EEPD1: variants seen among roughly 807,000 people sequenced by gnomAD.
The protein encoded by EEPD1 is endonuclease/exonuclease/phosphatase family domain-containing protein 1.
EEPD1 carries 17 observed loss-of-function variants against 46.3 expected under a neutral mutation model. That is an observed-to-expected ratio of 0.37 (90% CI 0.25 to 0.55). EEPD1 has a LOEUF of 0.55. Ranked by LOEUF, EEPD1 falls within the 20% of genes least tolerant of loss-of-function variation. The probability of loss-of-function intolerance (pLI) is 0.83; values close to 1 mark genes in which losing one functional copy is unlikely to be tolerated. For missense variants in EEPD1, 673 were observed against 745.6 expected, an observed-to-expected ratio of 0.90 and a Z score of 1.13; for synonymous variants, 313 against 315.6, an observed-to-expected ratio of 0.99 and a Z score of 0.09.
chr7:36,186,882 G>T (rs183585266), intron 2 of EEPD1, among the ~76,000 whole-genome samples: 2 of 152,322 alleles, frequency 1.3e-5, no homozygotes, highest in East Asian at 3.9e-4. Context: ...ATGTGTTTCT[G>T]TAACACAGGT....
intron 2 of EEPD1, among the ~76,000 whole-genome samples, chr7:36,200,052 G>A (rs1204206478): frequency 6.6e-6 from 1 of 151,832 alleles, no homozygotes; most frequent in Non-Finnish European, 1.5e-5. Flanking sequence ...GGGGTTTGTT[G>A]TACAGATTAT....
At chr7:36,279,752 C>A (rs1256130998) in intron 3 of EEPD1, among the ~76,000 whole-genome samples, 1 of 152,238 alleles carries the variant, frequency 6.6e-6, no homozygotes, top group Non-Finnish European at 1.5e-5. Context: ...GGGCCCACTT[C>A]AGAGCTGCTG....
intron 2 of EEPD1, among the ~76,000 whole-genome samples, chr7:36,165,256 T>C (rs998135652): frequency 3.2e-4 from 48 of 152,160 alleles, no homozygotes; most frequent in Non-Finnish European, 7.3e-5. Context: ...ACTTCTTCTA[T>C]GTTTAAATAC....
At chr7:36,260,520 A>G (rs1786903807) in intron 3 of EEPD1, among the ~76,000 whole-genome samples, 1 of 152,232 alleles carries the variant, frequency 6.6e-6, no homozygotes, top group Non-Finnish European at 1.5e-5. Flanking sequence ...TCTGAAGAGC[A>G]ACTCATACTT....
chr7:36,160,072 T>G (rs1227214371), intron 2 of EEPD1, among the ~76,000 whole-genome samples: 2 of 152,236 alleles, frequency 1.3e-5, no homozygotes, highest in African/African-American at 2.4e-5. Context: ...TGGGTCTGAT[T>G]CCAAGGTTCT....
intron 2 of EEPD1, among the ~76,000 whole-genome samples, chr7:36,235,225 C>T (rs1436976772): frequency 6.6e-6 from 1 of 152,190 alleles, no homozygotes; most frequent in East Asian, 1.9e-4. Flanking sequence ...GCCTCCAGCC[C>T]AGGCCTCCCC....
At chr7:36,289,491 T>C (rs533377751) in intron 6 of EEPD1, among the ~76,000 whole-genome samples, 19 of 152,226 alleles carry the variant, frequency 1.2e-4, no homozygotes, top group Admixed American at 2.0e-4. Flanking sequence ...ATCCATGTTG[T>C]AGCATGTGTC....
Position 36,299,883 on chromosome 7 carries a change from G to A in EEPD1, c.*677G>A, listed in dbSNP as rs1787590507. ...GCTTCACTTCCCCTGCGCCTTTTAT[G>A]TCCCCACCTTGAGGCCTTGCAGAGG... is the stretch of plus-strand genomic sequence containing the variant. On this transcript the variant is annotated 3_prime_UTR_variant, in exon 8 of 8. Transcript: ENST00000242108. 1 of 150,312 alleles carries A rather than the reference G, an allele frequency of 6.7e-6. No individual in the cohort carries two copies. The highest frequency in any genetic ancestry group is 2.1e-4 in the South Asian group (1 of 4,756). The allele number at this position is 150,312 out of a possible 1,614,324, so 9.3% of individuals were successfully genotyped here.
At chr7:36,237,994 T>C (rs1228144685) in intron 2 of EEPD1, among the ~76,000 whole-genome samples, 1 of 152,154 alleles carries the variant, frequency 6.6e-6, no homozygotes, top group African/African-American at 2.4e-5. Context: ...GGTTTTTTTA[T>C]TATATGCTAA....
At chr7:36,176,658 G>A (rs542871584) in intron 2 of EEPD1, among the ~76,000 whole-genome samples, 16 of 152,248 alleles carry the variant, frequency 1.1e-4, no homozygotes, top group Admixed American at 9.8e-4. Context: ...GGAATAAAGT[G>A]TTCTTTTTGT....
At chr7:36,176,823 G>A (rs1473319231) in intron 2 of EEPD1, among the ~76,000 whole-genome samples, 3 of 152,130 alleles carry the variant, frequency 2.0e-5, no homozygotes. Flanking sequence ...AGAAGTGGGA[G>A]GGAAATAACA....
chr7:36,182,277 C>A (rs763783092), intron 2 of EEPD1, among the ~76,000 whole-genome samples: 3 of 152,142 alleles, frequency 2.0e-5, no homozygotes, highest in African/African-American at 4.8e-5. Context: ...ATCTTCTTTG[C>A]ATTTTTGTGT....
chr7:36,231,633 C>G (rs951745039), intron 2 of EEPD1, among the ~76,000 whole-genome samples: 2 of 152,198 alleles, frequency 1.3e-5, no homozygotes, highest in Non-Finnish European at 1.5e-5. Context: ...AGGGCAGGAA[C>G]TGTGTGTTCA....
intron 3 of EEPD1, among the ~76,000 whole-genome samples, chr7:36,259,574 A>G (rs1384394246): frequency 1.3e-5 from 2 of 152,110 alleles, no homozygotes; most frequent in African/African-American, 2.4e-5. Context: ...CAGTGGCCCA[A>G]TCTCAGCTCA....
chr7:36,280,325 G>T (rs1245156057), intron 3 of EEPD1, among the ~76,000 whole-genome samples: 1 of 152,180 alleles, frequency 6.6e-6, no homozygotes, highest in African/African-American at 2.4e-5. Context: ...GATGTGCTTG[G>T]AAGCCAAGAG....
At chr7:36,271,798 CCTATTCTATT>C (rs60205065) in intron 3 of EEPD1, among the ~76,000 whole-genome samples, 6,280 of 132,378 alleles carry the variant, frequency 0.047, 274 homozygotes, top group Middle Eastern at 0.083. Flanking sequence ...ACATAAGCCT[CCTATTCTATT>C]CTATTCTATT....
intron 2 of EEPD1, chr7:36,228,670 AC>A: frequency 6.6e-6 from 1 of 152,210 alleles, no homozygotes; most frequent in East Asian, 1.9e-4. Flanking sequence ...TCAACCACCT[AC>A]AATAATGGAT....
chr7:36,278,283 T>A (rs1787211305), intron 3 of EEPD1, among the ~76,000 whole-genome samples: 1 of 152,134 alleles, frequency 6.6e-6, no homozygotes, highest in Non-Finnish European at 1.5e-5. Context: ...GGAGGGGTTT[T>A]TCTAAGCCAG....
At chr7:36,215,127 G>C (rs932104604) in intron 2 of EEPD1, among the ~76,000 whole-genome samples, 1 of 152,196 alleles carries the variant, frequency 6.6e-6, no homozygotes, top group South Asian at 2.1e-4. Flanking sequence ...TAGCAGTGGC[G>C]TCTGGGACCC....
Sources: allele counts gnomAD v4.1 joint callset (sites outside exome capture counted in the v4.1 genomes callset), GRCh38; gene constraint gnomAD v4.1.1; transcripts MANE v1.5; gene names NCBI Gene and HGNC (gene_info 2026-07-23, HGNC 2026-07-21).